The following MT4 variants were observed in gnomAD, a reference collection of about 807,000 sequenced individuals.
MT4 encodes the protein metallothionein 4.
Under a neutral mutation model 9.5 loss-of-function variants are expected in MT4, and 11 were observed. That is an observed-to-expected ratio of 1.16 (90% CI 0.73 to 1.92). The LOEUF (loss-of-function observed/expected upper bound fraction) is 1.92. MT4 is among the 30% of genes most tolerant of loss of function. MT4 has a pLI of 0.00. For missense variants in MT4, 88 were observed against 78.7 expected (o/e 1.12, Z -0.45); for synonymous variants, 29 against 24.6 (o/e 1.18, Z -0.53).
intron 1 of MT4, 56 bp downstream of exon 1, chr16:56,565,215 G>C (rs1370205994): frequency 2.2e-5 from 35 of 1,572,276 alleles, no homozygotes; most frequent in Non-Finnish European, 3.0e-5. Context: ...TTCCTACAGG[G>C]AGCCTGCAGG....
intron 2 of MT4, among the ~76,000 whole-genome samples, chr16:56,568,213 GAGAAAGAAAGAAAGAA>G (rs796608259): frequency 2.3e-5 from 1 of 44,248 alleles, no homozygotes; most frequent in East Asian, 4.6e-4. Flanking sequence ...GAGAGAGAGA[GAGAAAGAAAGAAAGAA>G]AGAAAGAAAG....
chr16:56,565,500 G>A (rs1448824269), intron 1 of MT4, among the ~76,000 whole-genome samples: 1 of 152,170 alleles, frequency 6.6e-6, no homozygotes, highest in African/African-American at 2.4e-5. Flanking sequence ...CATTGCTGCG[G>A]TCCCCTCCCT....
At chr16:56,568,297 G>GA (rs1184215750) in intron 2 of MT4, among the ~76,000 whole-genome samples, 1 of 145,790 alleles carries the variant, frequency 6.9e-6, no homozygotes, top group Admixed American at 6.8e-5. Flanking sequence ...AAGAAAGAAA[G>GA]AAAGAAAGAA....
At chr16:56,567,891 G>A (rs1416696732) in intron 2 of MT4, 75 bp downstream of exon 2, 10 of 1,281,808 alleles carry the variant, frequency 7.8e-6, no homozygotes, top group African/African-American at 4.4e-5. Flanking sequence ...AGTGGCTCAC[G>A]TCTGTAATCC....
intron 1 of MT4, among the ~76,000 whole-genome samples, chr16:56,567,347 A>T (rs1282394729): frequency 6.6e-6 from 1 of 152,094 alleles, no homozygotes; most frequent in Non-Finnish European, 1.5e-5. Context: ...AGGCTTTGAT[A>T]GTTCTTAGAG....
intron 1 of MT4, 29 bp from the exon 2 acceptor site, chr16:56,567,722 G>T: frequency 6.2e-7 from 1 of 1,609,052 alleles, no homozygotes; most frequent in Non-Finnish European, 8.5e-7. Context: ...CCATCCTCAC[G>T]TTTGTGGTGG....
chr16:56,568,946 T>C lies in MT4; in HGVS notation c.*14T>C, dbSNP rs1474888538. The C allele has an allele frequency of 5.0e-6, 8 of 1,584,512 alleles. No individual in the cohort carries two copies. The highest frequency in any genetic ancestry group is 6.9e-6 in the Non-Finnish European group (8 of 1,164,730). On this transcript the variant is annotated 3_prime_UTR_variant, in exon 3 of 3. Coordinates refer to ENST00000219162, the MANE Select transcript of MT4 (RefSeq NM_032935.3). ...TGCTGCCCATGAAAGCCATCCATCGTGCCCACCCCTTCCAAGGAGAGAAAC... is the reference window on the plus strand; with the variant it reads ...TGCTGCCCATGAAAGCCATCCATCGCGCCCACCCCTTCCAAGGAGAGAAAC...
chr16:56,567,721 C>T (rs769262367), intron 1 of MT4, 30 bp from the exon 2 acceptor site: 9 of 1,606,826 alleles, frequency 5.6e-6, no homozygotes, highest in South Asian at 4.4e-5. Context: ...TCCATCCTCA[C>T]GTTTGTGGTG....
At chr16:56,566,802 GAAAGAAAGAAAGAAAGAAAA>G (rs1262010114) in intron 1 of MT4, among the ~76,000 whole-genome samples, 7 of 46,174 alleles carry the variant, frequency 1.5e-4, no homozygotes, top group African/African-American at 3.2e-4. Context: ...AAGAAAGAAA[GAAAGAAAGAAAGAAAGAAAA>G]GAAAGAAAGA....
At chr16:56,566,644 AAG>A (rs1959521537) in intron 1 of MT4, among the ~76,000 whole-genome samples, 1 of 147,654 alleles carries the variant, frequency 6.8e-6, no homozygotes, top group South Asian at 2.2e-4. Flanking sequence ...GAGAGAGAGA[AAG>A]AGAAAAGAGA....
At chr16:56,567,574 AC>A (rs1959551557) in intron 1 of MT4, among the ~76,000 whole-genome samples, 176 bp from the exon 2 acceptor site, 1 of 152,066 alleles carries the variant, frequency 6.6e-6, no homozygotes, top group Non-Finnish European at 1.5e-5. Context: ...GTGACTGTGG[AC>A]TATTGCAGAG....
At chr16:56,566,737 AGAAAGAAAGAAGGAAG>A (rs1279323218) in intron 1 of MT4, among the ~76,000 whole-genome samples, 2 of 26,624 alleles carry the variant, frequency 7.5e-5, no homozygotes, top group African/African-American at 2.3e-4. Context: ...AAAGAAAGAA[AGAAAGAAAGAAGGAAG>A]GAAGGAAGGA....
At chr16:56,567,161 T>C (rs557117908) in intron 1 of MT4, among the ~76,000 whole-genome samples, 11 of 152,082 alleles carry the variant, frequency 7.2e-5, no homozygotes, top group Admixed American at 5.9e-4. Flanking sequence ...GTAGCTGAGA[T>C]TACAGGTGTG....
rs191868482 is a variant in MT4, at chr16:56,568,768, A to G, written c.98-73A>G. ...CACCCCTCTTTTCCTACTTCCTCTA[A>G]GTAGTGGGAGGGGCAGTGGTGAGAT... On this transcript the variant is annotated intron_variant, in intron 2 of 2. Coordinates refer to ENST00000219162, the MANE Select transcript of MT4 (RefSeq NM_032935.3). 196 of 1,039,074 alleles carry G rather than the reference A, an allele frequency of 1.9e-4. No homozygotes were observed. In the African/African-American group the frequency reaches 3.0e-3, roughly 16 times the overall value. The allele number at this position is 1,039,074 out of a possible 1,614,324, so 64.4% of individuals were successfully genotyped here.
rs750918027 is a variant in MT4, at chr16:56,568,929, A to C, written c.186A>C (p.Pro62=). The C allele has an allele frequency of 6.2e-7, 1 of 1,600,930 alleles. No individual in the cohort carries two copies. Among genetic ancestry groups the C allele is most frequent in the South Asian group, 1.1e-5 (1 of 89,026 alleles). The change falls in exon 3 of 3, where the codon CCA becomes CCC. Residue 62 remains proline (P), a synonymous_variant. Coordinates refer to ENST00000219162, the MANE Select transcript of MT4 (RefSeq NM_032935.3). ...KGGSDKCSCC[P] Reference sequence around the variant, plus strand: ...GCTCAGACAAGTGCAGCTGCTGCCCATGAAAGCCATCCATCGTGCCCACCC... The same window carrying C: ...GCTCAGACAAGTGCAGCTGCTGCCCCTGAAAGCCATCCATCGTGCCCACCC...
intron 2 of MT4, among the ~76,000 whole-genome samples, chr16:56,568,388 G>C (rs1316445242): frequency 6.6e-6 from 1 of 152,106 alleles, no homozygotes; most frequent in Non-Finnish European, 1.5e-5. Flanking sequence ...GGGCTTGTGG[G>C]GAGGGGGTCT....
intron 2 of MT4, 123 bp downstream of exon 2, chr16:56,567,939 G>T: frequency 2.9e-6 from 2 of 679,906 alleles, no homozygotes; most frequent in Non-Finnish European, 5.1e-6. Flanking sequence ...GATTACCTGA[G>T]GTCAGGAGTT....
At chr16:56,568,274 A>AAAG (rs1567330668) in intron 2 of MT4, among the ~76,000 whole-genome samples, 68 of 107,904 alleles carry the variant, frequency 6.3e-4, no homozygotes, top group African/African-American at 1.5e-3. Context: ...AGAGAGAGAG[A>AAAG]AAGAAAGAAA....
At position 56,568,956 on chromosome 16, in the gene MT4, T is replaced by G; in HGVS notation, c.*24T>G. The G allele has an allele frequency of 6.4e-7, 1 of 1,558,676 alleles. No individual in the cohort carries two copies. The highest frequency in any genetic ancestry group is 1.2e-5 in the South Asian group (1 of 83,762). On this transcript the variant is annotated 3_prime_UTR_variant, in exon 3 of 3. Coordinates refer to ENST00000219162, the MANE Select transcript of MT4 (RefSeq NM_032935.3). ...GAAAGCCATCCATCGTGCCCACCCC[T>G]TCCAAGGAGAGAAACCTGGGAAGTG...
Sources: allele counts gnomAD v4.1 joint callset (sites outside exome capture counted in the v4.1 genomes callset), GRCh38; gene constraint gnomAD v4.1.1; transcripts MANE v1.5; gene names NCBI Gene and HGNC (gene_info 2026-07-23, HGNC 2026-07-21).